The following CPED1 variants were observed in gnomAD, a reference collection of about 807,000 sequenced individuals.
CPED1 encodes the protein cadherin like and PC-esterase domain containing 1.
Under a neutral mutation model 128.2 loss-of-function variants are expected in CPED1, and 114 were observed. The observed-to-expected ratio is 0.89, with a 90% CI of 0.76 to 1.04. CPED1 has a LOEUF of 1.04. Among genes scored for constraint, CPED1 ranks in the 50% least tolerant of loss-of-function variants. CPED1 has a pLI of 0.00. For synonymous variants in CPED1, 462 were observed against 426.7 expected, an observed-to-expected ratio of 1.08 and a Z score of -1.02; for missense variants, 1,211 against 1,207.1, an observed-to-expected ratio of 1.00 and a Z score of -0.05.
intron 5 of CPED1, among the ~76,000 whole-genome samples, chr7:121,087,199 C>T (rs770520582): frequency 1.3e-5 from 2 of 152,030 alleles, no homozygotes; most frequent in Non-Finnish European, 2.9e-5. Context: ...AACAAAAAGG[C>T]AGCAAAGGGG....
At chr7:121,108,987 G>A (rs992684775) in intron 7 of CPED1, among the ~76,000 whole-genome samples, 1 of 152,140 alleles carries the variant, frequency 6.6e-6, no homozygotes, top group Non-Finnish European at 1.5e-5. Context: ...TACAGTTAGA[G>A]CTGGCATTTT....
intron 5 of CPED1, among the ~76,000 whole-genome samples, chr7:121,078,610 C>G (rs1794199870): frequency 6.6e-6 from 1 of 151,440 alleles, no homozygotes; most frequent in South Asian, 2.1e-4. Flanking sequence ...GTATGTTGGC[C>G]TTATTCTCTC....
At chr7:121,245,937 C>T (rs73217365) in intron 18 of CPED1, among the ~76,000 whole-genome samples, 72,784 of 151,840 alleles carry the variant, frequency 0.48, 20,318 homozygotes, top group East Asian at 0.87. Flanking sequence ...AAGTGATCCA[C>T]CCGCCTCGGC....
intron 3 of CPED1, among the ~76,000 whole-genome samples, chr7:121,022,846 G>A (rs1296761428): frequency 6.6e-6 from 1 of 151,962 alleles, no homozygotes; most frequent in Non-Finnish European, 1.5e-5. Context: ...TTAGTGTAAT[G>A]TAAGTTTTAT....
chr7:121,245,566 TAA>T (rs374883492), intron 18 of CPED1, among the ~76,000 whole-genome samples: 192 of 152,296 alleles, frequency 1.3e-3, no homozygotes, highest in African/African-American at 4.5e-3. Context: ...ATGAATAAAT[TAA>T]AAGTGTATTT....
chr7:121,241,431 A>G (rs892760433), intron 17 of CPED1, among the ~76,000 whole-genome samples: 1 of 150,600 alleles, frequency 6.6e-6, no homozygotes, highest in African/African-American at 2.4e-5. Flanking sequence ...ACTTTTGAGG[A>G]AGATAATCTT....
At chr7:121,288,315 T>C (rs2116785013) in intron 22 of CPED1, among the ~76,000 whole-genome samples, 1 of 152,202 alleles carries the variant, frequency 6.6e-6, no homozygotes, top group South Asian at 2.1e-4. Context: ...GGAAACCAAG[T>C]GAATTAAGTG....
chr7:121,039,726 A>T (rs548133850), intron 3 of CPED1, among the ~76,000 whole-genome samples: 413 of 152,180 alleles, frequency 2.7e-3, no homozygotes, highest in African/African-American at 9.4e-3. Flanking sequence ...ACACCTTTTT[A>T]AAAAAATCAT....
At chr7:121,266,128 A>G in intron 18 of CPED1, 99 bp from the exon 19 acceptor site, 1 of 834,540 alleles carries the variant, frequency 1.2e-6, no homozygotes, top group Non-Finnish European at 2.0e-6. Flanking sequence ...TCAAACAGTT[A>G]GGTAGTAGTG....
chr7:121,218,666 T>C (rs978730313), intron 16 of CPED1, among the ~76,000 whole-genome samples: 1 of 151,816 alleles, frequency 6.6e-6, no homozygotes, highest in Non-Finnish European at 1.5e-5. Context: ...TGAGAACACA[T>C]GGGCATAGGG....
chr7:121,149,424 G>C (rs1350023111), intron 16 of CPED1: 2 of 152,112 alleles, frequency 1.3e-5, no homozygotes, highest in Non-Finnish European at 2.9e-5. Context: ...GAGTCATGTT[G>C]AACACTCACC....
chr7:121,247,024 CATT>C (rs1798556082), intron 18 of CPED1, among the ~76,000 whole-genome samples: 1 of 152,162 alleles, frequency 6.6e-6, no homozygotes. Flanking sequence ...AAAAGGCAAG[CATT>C]ATCCATTTTT....
intron 16 of CPED1, among the ~76,000 whole-genome samples, chr7:121,234,586 A>G (rs1799207441): frequency 6.6e-6 from 1 of 151,964 alleles, no homozygotes; most frequent in South Asian, 2.1e-4. Context: ...TTTCACAAGT[A>G]CTAGAAAAAT....
chr7:121,034,145 C>T (rs982288061), intron 3 of CPED1, among the ~76,000 whole-genome samples: 3 of 151,782 alleles, frequency 2.0e-5, no homozygotes, highest in Admixed American at 6.6e-5. Context: ...ATATTATATA[C>T]TCAAGTAATA....
chr7:121,159,802 T>C (rs1453181357), intron 16 of CPED1, among the ~76,000 whole-genome samples: 2 of 152,112 alleles, frequency 1.3e-5, no homozygotes, highest in Non-Finnish European at 2.9e-5. Context: ...GGCCAAAGCT[T>C]AGGTCTTTTA....
chr7:121,035,948 T>C (rs1248092474), intron 3 of CPED1, among the ~76,000 whole-genome samples: 5 of 152,172 alleles, frequency 3.3e-5, no homozygotes, highest in African/African-American at 4.8e-5. Context: ...TCTAGAGTAT[T>C]ACTGGAAATG....
intron 16 of CPED1, among the ~76,000 whole-genome samples, chr7:121,160,809 C>G (rs28695392): frequency 0.069 from 10,451 of 152,068 alleles, 476 homozygotes; most frequent in African/African-American, 0.11. Flanking sequence ...AGGGACCCAG[C>G]AGGAGATGAA....
intron 22 of CPED1, among the ~76,000 whole-genome samples, chr7:121,280,489 G>A (rs550954307): frequency 3.1e-4 from 47 of 152,288 alleles, no homozygotes; most frequent in Middle Eastern, 3.4e-3. Context: ...AAGGGCTGGG[G>A]ATTAGAGGAA....
intron 22 of CPED1, among the ~76,000 whole-genome samples, chr7:121,286,072 A>G (rs1435903623): frequency 6.6e-6 from 1 of 152,190 alleles, no homozygotes; most frequent in Non-Finnish European, 1.5e-5. Flanking sequence ...TCATAGTGGA[A>G]AAGAAGCAAA....
Sources: allele counts gnomAD v4.1 joint callset (sites outside exome capture counted in the v4.1 genomes callset), GRCh38; gene constraint gnomAD v4.1.1; transcripts MANE v1.5; gene names NCBI Gene and HGNC (gene_info 2026-07-23, HGNC 2026-07-21).